The following ITGA9 variants were observed in gnomAD, a reference collection of about 807,000 sequenced individuals.
ITGA9 encodes integrin subunit alpha 9.
Under a neutral mutation model 127.8 loss-of-function variants are expected in ITGA9, and 56 were observed. The observed-to-expected ratio is 0.44, with a 90% CI of 0.35 to 0.55. The LOEUF is 0.55. Ranked by LOEUF, ITGA9 falls within the 20% of genes least tolerant of loss-of-function variation. The pLI is 0.00. For synonymous variants in ITGA9, 508 were observed against 514.5 expected, an observed-to-expected ratio of 0.99 and a Z score of 0.17; for missense variants, 1,196 against 1,347.1, an observed-to-expected ratio of 0.89 and a Z score of 1.76.
intron 15 of ITGA9, among the ~76,000 whole-genome samples, chr3:37,601,938 GC>G (rs2125621103): frequency 6.6e-6 from 1 of 152,318 alleles, no homozygotes; most frequent in African/African-American, 2.4e-5. Context: ...GAGAAGGGGA[GC>G]CATCGTGTGG....
At chr3:37,484,552 T>TTAA (rs1698590080) in intron 4 of ITGA9, among the ~76,000 whole-genome samples, 1 of 152,178 alleles carries the variant, frequency 6.6e-6, no homozygotes, top group African/African-American at 2.4e-5. Flanking sequence ...AATGGGAAGA[T>TTAA]TTTAGAGTTT....
chr3:37,576,795 A>G lies in ITGA9; in HGVS notation c.1689+34210A>G, dbSNP rs543043159. On this transcript the variant is annotated intron_variant, in intron 15 of 27. Transcript: ENST00000264741. Reference sequence around the variant, plus strand: ...AATTTTTTGCATTTTTTGCAGAGGCAGGGGTTTCGCCATGTTGCTCAGGCT... The same window carrying G: ...AATTTTTTGCATTTTTTGCAGAGGCGGGGGTTTCGCCATGTTGCTCAGGCT... Among the ~76,000 whole-genome samples, 99 of 152,350 alleles carry G rather than the reference A, an allele frequency of 6.5e-4. 1 individual carries two copies. Among genetic ancestry groups the G allele is most frequent in the South Asian group, 3.5e-3 (17 of 4,828 alleles).
rs1481632259 is a variant in ITGA9 at position 37,820,767 on chromosome 3, AG to A, written c.*1779del. 1 of 152,220 alleles carries A rather than the reference AG, an allele frequency of 6.6e-6. No homozygotes were observed. The highest frequency in any genetic ancestry group is 2.4e-5 in the African/African-American group (1 of 41,454). 9.4% of individuals were successfully genotyped at this position (152,220 alleles called of 1,614,324 possible). A position where few individuals can be genotyped will look rare whatever the true frequency, so the allele number is the denominator to read the frequency against. On this transcript the variant is annotated 3_prime_UTR_variant, in exon 28 of 28. Coordinates refer to ENST00000264741, the MANE Select transcript of ITGA9 (RefSeq NM_002207.3). Reference sequence around the variant, plus strand: ...TAACGGAGTCTTAATGGCTTATTACAGCCTGCCAAAGTGCCAGCTACATACA... The same window carrying A: ...TAACGGAGTCTTAATGGCTTATTACACCTGCCAAAGTGCCAGCTACATACA...
chr3:37,516,611 A>C (rs763766542), intron 9 of ITGA9, among the ~76,000 whole-genome samples: 1 of 152,188 alleles, frequency 6.6e-6, no homozygotes, highest in Non-Finnish European at 1.5e-5. Flanking sequence ...TTCATCCAAG[A>C]AATCATCTCA....
chr3:37,708,537 G>T, intron 18 of ITGA9, among the ~76,000 whole-genome samples: 1 of 147,390 alleles, frequency 6.8e-6, no homozygotes, highest in South Asian at 2.1e-4. Flanking sequence ...CTCAACCAAG[G>T]GTAATTTTGT....
intron 16 of ITGA9, among the ~76,000 whole-genome samples, chr3:37,646,489 C>T (rs1700378099): frequency 6.6e-6 from 1 of 152,212 alleles, no homozygotes; most frequent in Admixed American, 6.5e-5. Context: ...CTGAGGAGGC[C>T]ACTGGATGTC....
chr3:37,709,890 G>A (rs974797859), intron 18 of ITGA9, among the ~76,000 whole-genome samples: 6 of 152,144 alleles, frequency 3.9e-5, no homozygotes, highest in African/African-American at 7.2e-5. Context: ...CAGGAGAATC[G>A]CTTGAACCCA....
In ITGA9 at chr3:37,463,502, G is replaced by A. The variant is rs928611659; in HGVS notation, c.186-7505G>A. On this transcript the variant is annotated intron_variant, in intron 1 of 27. Transcript: ENST00000264741. ...TTTCATCCTCTTGCAGGCTAGCCTG[G>A]GCTTGTACACATGGTGGTTGGGTAG... Among the ~76,000 whole-genome samples the A allele has an allele frequency of 4.6e-5, 7 of 152,138 alleles. 1 individual carries two copies. Among genetic ancestry groups the A allele is most frequent in the Non-Finnish European group, 1.0e-4 (7 of 68,034 alleles).
rs777754266 is a variant in ITGA9, at chr3:37,471,023, C to G, written c.202C>G (p.Pro68Ala). Reference sequence around the variant, plus strand: ...TTGCTGCAGGGTCCTTGTGGGCGCACCAAAGGCAGATTCCAAATACAGCCC... The same window carrying G: ...TTGCTGCAGGGTCCTTGTGGGCGCAGCAAAGGCAGATTCCAAATACAGCCC... Reference protein sequence around the residue: ...DNTRWVLVGAPKADSKYSPSV... With the variant: ...DNTRWVLVGAAKADSKYSPSV... Residue 68 changes from proline to alanine, a missense_variant, in exon 2 of 28, where the codon CCA (proline) becomes GCA (alanine). Physicochemically the swap from Pro to Ala is conservative, Grantham distance 27. Coordinates refer to ENST00000264741, the MANE Select transcript of ITGA9 (RefSeq NM_002207.3). 1 of 1,614,082 alleles carries G rather than the reference C, an allele frequency of 6.2e-7. No homozygotes were observed. Among genetic ancestry groups the G allele is most frequent in the Admixed American group, 1.7e-5 (1 of 60,012 alleles).
chr3:37,571,092 G>A (rs1699596904), intron 15 of ITGA9, among the ~76,000 whole-genome samples: 1 of 152,200 alleles, frequency 6.6e-6, no homozygotes, highest in Admixed American at 6.5e-5. Flanking sequence ...GTCCCTTATG[G>A]GAGGCATCTC....
At chr3:37,747,357 G>A (rs1391658477) in intron 22 of ITGA9, among the ~76,000 whole-genome samples, 1 of 151,832 alleles carries the variant, frequency 6.6e-6, no homozygotes, top group African/African-American at 2.4e-5. Context: ...GTAAAATGGG[G>A]GTATCCATCC....
At chr3:37,481,343 T>A (rs1327173174) in intron 3 of ITGA9, 141 bp from the exon 4 acceptor site, 5 of 1,063,318 alleles carry the variant, frequency 4.7e-6, no homozygotes, top group Non-Finnish European at 5.8e-6. Flanking sequence ...CCCAGAAAAG[T>A]GCCTGTTATG....
chr3:37,701,868 A>G (rs1484417886), intron 18 of ITGA9, among the ~76,000 whole-genome samples: 4 of 152,188 alleles, frequency 2.6e-5, no homozygotes, highest in Admixed American at 1.3e-4. Flanking sequence ...TTCACGGGCT[A>G]TAGCATTTGA....
chr3:37,668,828 G>A (rs986332058), intron 17 of ITGA9, among the ~76,000 whole-genome samples: 5 of 152,228 alleles, frequency 3.3e-5, no homozygotes, highest in African/African-American at 1.2e-4. Context: ...AAAGCCAAAG[G>A]CAGCTGTGGC....
chr3:37,752,937 T>C (rs936283204), intron 23 of ITGA9, among the ~76,000 whole-genome samples: 7 of 152,196 alleles, frequency 4.6e-5, no homozygotes, highest in African/African-American at 1.7e-4. Flanking sequence ...GTAGCTAATG[T>C]CTCTGAGCCC....
chr3:37,635,214 A>G (rs770594218), intron 16 of ITGA9, among the ~76,000 whole-genome samples: 1 of 152,316 alleles, frequency 6.6e-6, no homozygotes, highest in South Asian at 2.1e-4. Context: ...TAATCATGAC[A>G]CTTGTCTTGG....
chr3:37,546,816 G>A (rs1699330807), intron 15 of ITGA9, among the ~76,000 whole-genome samples: 1 of 152,214 alleles, frequency 6.6e-6, no homozygotes, highest in Non-Finnish European at 1.5e-5. Context: ...GATGCATGGT[G>A]TGTGCCAAAG....
At chr3:37,734,758 C>G (rs937473669) in intron 19 of ITGA9, among the ~76,000 whole-genome samples, 1 of 152,202 alleles carries the variant, frequency 6.6e-6, no homozygotes, top group East Asian at 1.9e-4. Flanking sequence ...TCCCAAAGTG[C>G]TGGGATTACA....
At chr3:37,698,936 C>T (rs543687097) in intron 18 of ITGA9, among the ~76,000 whole-genome samples, 4 of 152,294 alleles carry the variant, frequency 2.6e-5, no homozygotes, top group African/African-American at 7.2e-5. Flanking sequence ...CACGTTTTCA[C>T]GTGCCCCTCA....
Sources: allele counts gnomAD v4.1 joint callset (sites outside exome capture counted in the v4.1 genomes callset), GRCh38; gene constraint gnomAD v4.1.1; transcripts MANE v1.5; gene names NCBI Gene and HGNC (gene_info 2026-07-23, HGNC 2026-07-21).